The following DPP6 variants were observed in gnomAD, a reference collection of about 807,000 sequenced individuals.
DPP6 encodes A-type potassium channel modulatory protein DPP6.
In DPP6, 69 loss-of-function variants were observed where a neutral mutation model predicts 122.6. The observed-to-expected ratio is 0.56, with a 90% CI of 0.46 to 0.69. The LOEUF (loss-of-function observed/expected upper bound fraction) is 0.69, where lower values mean the gene tolerates loss of function less well. DPP6 is among the 30% of genes least tolerant of loss of function. The pLI is 0.00. For synonymous variants in DPP6, 418 were observed against 433.1 expected, an observed-to-expected ratio of 0.97 and a Z score of 0.43; for missense variants, 928 against 1,116.9, an observed-to-expected ratio of 0.83 and a Z score of 2.41.
intron 5 of DPP6, among the ~76,000 whole-genome samples, chr7:154,591,119 G>A (rs909954363): frequency 7.9e-5 from 12 of 152,318 alleles, no homozygotes; most frequent in Admixed American, 2.6e-4. Context: ...GTTATAGACC[G>A]GTGGTGCAAA....
chr7:154,708,206 G>A (rs1389725955), intron 7 of DPP6, among the ~76,000 whole-genome samples: 1 of 152,170 alleles, frequency 6.6e-6, no homozygotes, highest in Non-Finnish European at 1.5e-5. Context: ...ACATACATAT[G>A]TTATTAACCT....
the DPP6 span, among the ~76,000 whole-genome samples, chr7:153,795,444 G>T: frequency 6.6e-6 from 1 of 152,106 alleles, no homozygotes; most frequent in African/African-American, 2.4e-5. Context: ...AATCTATAGT[G>T]ATGCCACCTC....
intron 1 of DPP6, among the ~76,000 whole-genome samples, chr7:154,253,048 T>G (rs1017002909): frequency 6.6e-6 from 1 of 152,232 alleles, no homozygotes; most frequent in African/African-American, 2.4e-5. Flanking sequence ...AGTAAAATAA[T>G]CTTAAACATT....
At chr7:154,365,600 G>C (rs966466117) in intron 1 of DPP6, among the ~76,000 whole-genome samples, 1 of 152,186 alleles carries the variant, frequency 6.6e-6, no homozygotes, top group Non-Finnish European at 1.5e-5. Flanking sequence ...ACTTCAGACA[G>C]CACAGATACC....
At chr7:154,076,600 GAA>G (rs1803568109) in intron 1 of DPP6, among the ~76,000 whole-genome samples, 2 of 150,034 alleles carry the variant, frequency 1.3e-5, no homozygotes. Flanking sequence ...AAAATGAAAA[GAA>G]AATGGGGACA....
rs150539174 is a variant in DPP6, at chr7:154,436,234, A to G, written c.244-9980A>G. 1.1e-4 allele frequency among the ~76,000 whole-genome samples: 16 copies of G among 150,654 alleles called. No individual in the cohort carries two copies. The East Asian group carries it at 3.1e-3, about 29-fold the overall frequency. ...GCCTGTCTGTCCAGCTTCATCTCGG[A>G]TGCTTCACGCCTCACTCCTGACATG... On this transcript the variant is annotated intron_variant, in intron 1 of 25. Coordinates refer to ENST00000377770, the MANE Select transcript of DPP6 (RefSeq NM_130797.4).
chr7:154,540,294 G>A (rs1374960846), intron 3 of DPP6, among the ~76,000 whole-genome samples: 1 of 152,140 alleles, frequency 6.6e-6, no homozygotes, highest in Non-Finnish European at 1.5e-5. Flanking sequence ...CTGTTCCAAA[G>A]GTTTTCGGTG....
chr7:154,471,999 C>T (rs535375031), intron 2 of DPP6, among the ~76,000 whole-genome samples: 1 of 152,148 alleles, frequency 6.6e-6, no homozygotes, highest in South Asian at 2.1e-4. Context: ...CATCCAAATA[C>T]TCCCAAAGTC....
At chr7:154,557,150 G>T (rs1830103287) in intron 4 of DPP6, among the ~76,000 whole-genome samples, 1 of 152,094 alleles carries the variant, frequency 6.6e-6, no homozygotes, top group East Asian at 1.9e-4. Flanking sequence ...ACCCATCGGG[G>T]GCATCCAAGC....
intron 5 of DPP6, among the ~76,000 whole-genome samples, chr7:154,631,645 C>T (rs139071317): frequency 0.056 from 8,232 of 146,204 alleles, 268 homozygotes; most frequent in Non-Finnish European, 0.071. Flanking sequence ...CCAGCCTGGG[C>T]AACAGAACGA....
chr7:154,060,604 C>A (rs1340180119), intron 1 of DPP6, among the ~76,000 whole-genome samples: 2 of 57,394 alleles, frequency 3.5e-5, no homozygotes, highest in Non-Finnish European at 6.3e-5. Context: ...AGTCCCTCTT[C>A]CCCCCCCTGG....
chr7:154,226,368 G>T (rs1292343731), intron 1 of DPP6, among the ~76,000 whole-genome samples: 2 of 152,308 alleles, frequency 1.3e-5, no homozygotes, highest in South Asian at 2.1e-4. Context: ...GATGTAAACA[G>T]CAGGGTTCCT....
At chr7:154,186,772 A>C (rs1798373922) in intron 1 of DPP6, among the ~76,000 whole-genome samples, 1 of 152,268 alleles carries the variant, frequency 6.6e-6, no homozygotes, top group African/African-American at 2.4e-5. Flanking sequence ...CGGTTGTCTC[A>C]ATTCTGAATT....
At chr7:154,334,856 A>G (rs1809265071) in intron 1 of DPP6, among the ~76,000 whole-genome samples, 1 of 152,168 alleles carries the variant, frequency 6.6e-6, no homozygotes, top group African/African-American at 2.4e-5. Flanking sequence ...AGATTGTACC[A>G]CTGCACTCAG....
At chr7:154,490,935 AGACTCCTGTAT>A (rs775474305) in intron 3 of DPP6, among the ~76,000 whole-genome samples, 1 of 152,170 alleles carries the variant, frequency 6.6e-6, no homozygotes, top group Non-Finnish European at 1.5e-5. Flanking sequence ...CGAAGGAAGG[AGACTCCTGTAT>A]GACTATACTG....
chr7:154,209,147 G>A (rs896820399), intron 1 of DPP6, among the ~76,000 whole-genome samples: 2 of 152,198 alleles, frequency 1.3e-5, no homozygotes, highest in Non-Finnish European at 2.9e-5. Context: ...AACAAAAATA[G>A]GTGAGAGATA....
chr7:154,244,043 T>C (rs1045713494), intron 1 of DPP6, among the ~76,000 whole-genome samples: 1 of 152,016 alleles, frequency 6.6e-6, no homozygotes, highest in African/African-American at 2.4e-5. Context: ...AATGCTTATT[T>C]TAAAATTTCA....
intron 1 of DPP6, among the ~76,000 whole-genome samples, chr7:154,397,547 G>T (rs1484552505): frequency 6.6e-6 from 1 of 152,166 alleles, no homozygotes; most frequent in African/African-American, 2.4e-5. Context: ...TGTGTGACAT[G>T]ATTTCAGTAG....
At chr7:154,490,875 A>G (rs1824220715) in intron 3 of DPP6, among the ~76,000 whole-genome samples, 1 of 152,194 alleles carries the variant, frequency 6.6e-6, no homozygotes, top group Admixed American at 6.5e-5. Flanking sequence ...GGAGACCAGG[A>G]ATGAAGCTTT....
Sources: gnomAD v4.1 joint callset for allele counts (sites outside exome capture counted in the v4.1 genomes callset) on GRCh38, gnomAD v4.1.1 for gene constraint, MANE v1.5 for transcripts, NCBI Gene and HGNC (gene_info 2026-07-23, HGNC 2026-07-21) for gene names.